Variants in CPM observed in about 807,000 individuals in gnomAD.
CPM encodes renal carboxypeptidase.
In CPM, 35 loss-of-function variants were observed where a neutral mutation model predicts 46.4. That is an observed-to-expected ratio of 0.75 (90% CI 0.58 to 1.00). The LOEUF is 1.00. CPM is among the 50% of genes least tolerant of loss of function. The probability of loss-of-function intolerance (pLI) is 0.00; values close to 1 mark genes in which losing one functional copy is unlikely to be tolerated. For synonymous variants in CPM, 195 were observed against 195.3 expected (o/e 1.00, Z 0.01); for missense variants, 422 against 530.4 (o/e 0.80, Z 2.01).
At chr12:68,914,296 A>G (rs1038488094) in intron 2 of CPM, among the ~76,000 whole-genome samples, 1 of 152,066 alleles carries the variant, frequency 6.6e-6, no homozygotes, top group Non-Finnish European at 1.5e-5. Flanking sequence ...ATTTAGCACA[A>G]AAGTCTGTAT....
At chr12:68,860,886 CTTTT>C (rs879812846) in intron 7 of CPM, among the ~76,000 whole-genome samples, 1 of 143,698 alleles carries the variant, frequency 7.0e-6, no homozygotes, top group South Asian at 2.2e-4. Context: ...CTTTCTTCTT[CTTTT>C]TTTTTTTTTA....
rs546788442 is a variant in CPM, at chr12:68,873,623, G to A, written c.259-1667C>T. On this transcript the variant is annotated intron_variant, in intron 3 of 8. Transcript: ENST00000551568. ...GTTGAGGCAGCAGTGAGAAGAGATC[G>A]CACCACTGCATTCCAGCATGGGTGA... 2.8e-3 allele frequency among the ~76,000 whole-genome samples: 411 copies of A among 145,920 alleles called. 1 individual carries two copies. Among genetic ancestry groups the A allele is most frequent in the Non-Finnish European group, 3.7e-3 (251 of 67,274 alleles).
chr12:68,884,428 G>A (rs1331555996), intron 3 of CPM, among the ~76,000 whole-genome samples: 1 of 152,168 alleles, frequency 6.6e-6, no homozygotes, highest in Non-Finnish European at 1.5e-5. Context: ...AGGACAGGTT[G>A]GGCAGCATGC....
intron 2 of CPM, among the ~76,000 whole-genome samples, chr12:68,888,911 A>T (rs911328772): frequency 3.3e-5 from 5 of 152,262 alleles, no homozygotes; most frequent in African/African-American, 1.2e-4. Flanking sequence ...ACAAGAAAGC[A>T]GACAAGTGCT....
intron 5 of CPM, chr12:68,844,742 T>A (rs559334299): frequency 2.9e-4 from 62 of 210,410 alleles, no homozygotes; most frequent in Admixed American, 1.2e-3. Context: ...TAAGATTTTT[T>A]AAATCCTTAA....
At chr12:68,931,744 CAAAAAAAAAAA>C (rs1230893187) in intron 2 of CPM, among the ~76,000 whole-genome samples, 1 of 36,202 alleles carries the variant, frequency 2.8e-5, no homozygotes, top group Non-Finnish European at 5.6e-5. Context: ...AGACTCTGAC[CAAAAAAAAAAA>C]AAAAAAAAAA....
chr12:68,895,252 G>A (rs1886823467), intron 2 of CPM, among the ~76,000 whole-genome samples: 1 of 151,936 alleles, frequency 6.6e-6, no homozygotes, highest in Admixed American at 6.6e-5. Context: ...GACCTGCTCT[G>A]GCCAGTGAAA....
intron 5 of CPM, among the ~76,000 whole-genome samples, chr12:68,869,940 A>G (rs1470900918): frequency 1.3e-5 from 2 of 152,204 alleles, no homozygotes; most frequent in Non-Finnish European, 2.9e-5. Context: ...CTCTTGTCAG[A>G]GAATCAAAAT....
chr12:68,885,564 T>C (rs1394813957), intron 3 of CPM, among the ~76,000 whole-genome samples: 1 of 152,192 alleles, frequency 6.6e-6, no homozygotes, highest in African/African-American at 2.4e-5. Context: ...AAGCTCCAGC[T>C]ACTCTGACAG....
chr12:68,945,516 G>A (rs1397410302), intron 1 of CPM, among the ~76,000 whole-genome samples: 1 of 152,338 alleles, frequency 6.6e-6, no homozygotes, highest in East Asian at 1.9e-4. Context: ...TATAGTTGGG[G>A]CAAGGGTTGC....
chr12:68,955,133 G>A (rs1431307017), intron 1 of CPM, among the ~76,000 whole-genome samples: 1 of 152,200 alleles, frequency 6.6e-6, no homozygotes, highest in Non-Finnish European at 1.5e-5. Context: ...AGCCTGCTGG[G>A]CCGAGTGGGC....
rs199786286 is a variant in CPM, at chr12:68,919,908, T to C, written c.160+12770A>G. Among the ~76,000 whole-genome samples, 4 of 152,312 alleles carry C rather than the reference T, an allele frequency of 2.6e-5. No homozygotes were observed. In the East Asian group the frequency reaches 7.7e-4, roughly 29 times the overall value. ...AGGTGTGAATAGTTTAGATATTTGTTCCCCCAAATTTCATGCTGAAATGTC... is the reference window on the plus strand; with the variant it reads ...AGGTGTGAATAGTTTAGATATTTGTCCCCCCAAATTTCATGCTGAAATGTC... On this transcript the variant is annotated intron_variant, in intron 2 of 8. Coordinates refer to ENST00000551568, the MANE Select transcript of CPM (RefSeq NM_198320.5).
intron 2 of CPM, among the ~76,000 whole-genome samples, chr12:68,913,639 G>A (rs1228354788): frequency 6.6e-6 from 1 of 152,058 alleles, no homozygotes; most frequent in Non-Finnish European, 1.5e-5. Flanking sequence ...CAAACTCCTT[G>A]GCAACCCCAG....
chr12:68,940,495 A>G (rs1340198377), intron 1 of CPM, among the ~76,000 whole-genome samples: 1 of 147,446 alleles, frequency 6.8e-6, no homozygotes, highest in East Asian at 2.0e-4. Context: ...ATTTGTTTTC[A>G]TCTAGTATGT....
chr12:68,946,121 A>G (rs1185685846), intron 1 of CPM, among the ~76,000 whole-genome samples: 3 of 152,000 alleles, frequency 2.0e-5, no homozygotes, highest in African/African-American at 7.2e-5. Context: ...CGGCCTCTCA[A>G]AATGTTGGGA....
chr12:68,928,036 G>C (rs1226511691), intron 2 of CPM, among the ~76,000 whole-genome samples: 1 of 152,030 alleles, frequency 6.6e-6, no homozygotes. Context: ...AGTTCATATG[G>C]AACCAAAAAA....
intron 4 of CPM, among the ~76,000 whole-genome samples, chr12:68,870,993 T>C (rs1301689097): frequency 6.6e-6 from 1 of 152,032 alleles, no homozygotes; most frequent in African/African-American, 2.4e-5. Context: ...TTGAAAAACT[T>C]AAAATTGGAG....
At chr12:68,862,591 A>G (rs1885259051) in intron 7 of CPM, among the ~76,000 whole-genome samples, 1 of 139,898 alleles carries the variant, frequency 7.1e-6, no homozygotes, top group Non-Finnish European at 1.6e-5. Flanking sequence ...GGGTATGCGA[A>G]TATCACTGTT....
At chr12:68,871,691 T>A in intron 4 of CPM, 93 bp downstream of exon 4, 2 of 1,362,040 alleles carry the variant, frequency 1.5e-6, no homozygotes, top group South Asian at 1.3e-5. Flanking sequence ...GCTCTCACCA[T>A]GACACATCTC....
Sources: allele counts gnomAD v4.1 joint callset (sites outside exome capture counted in the v4.1 genomes callset), GRCh38; gene constraint gnomAD v4.1.1; transcripts MANE v1.5; gene names NCBI Gene and HGNC (gene_info 2026-07-23, HGNC 2026-07-21).